MTOR: variants seen among roughly 807,000 people sequenced by gnomAD.
MTOR encodes serine/threonine-protein kinase mTOR.
In MTOR, 70 loss-of-function variants were observed where a neutral mutation model predicts 319.8. That is an observed-to-expected ratio of 0.22 (90% CI 0.18 to 0.27). The LOEUF (loss-of-function observed/expected upper bound fraction) is 0.27, where lower values mean the gene tolerates loss of function less well. Ranked by LOEUF, MTOR falls within the 10% of genes least tolerant of loss-of-function variation. MTOR has a pLI of 1.00. For missense variants in MTOR, 1,890 were observed against 3,274.4 expected (o/e 0.58, Z 10.32); for synonymous variants, 1,183 against 1,211.4 (o/e 0.98, Z 0.49).
intron 46 of MTOR, among the ~76,000 whole-genome samples, chr1:11,125,337 C>G (rs1296826089): frequency 6.6e-6 from 1 of 152,184 alleles, no homozygotes; most frequent in African/African-American, 2.4e-5. Context: ...CATTTTGTAT[C>G]AGAAGACAAC....
At chr1:11,126,073 G>A (rs1420086017) in intron 46 of MTOR, among the ~76,000 whole-genome samples, 3 of 143,514 alleles carry the variant, frequency 2.1e-5, no homozygotes, top group African/African-American at 5.2e-5. Context: ...AAAAGCGAGA[G>A]GCCTCAAAGT....
Position 11,126,686 on chromosome 1 carries a change from C to A in MTOR, c.6462G>T (p.Gln2154His), listed in dbSNP as rs201706131. 6.2e-7 allele frequency: 1 copy of A among 1,613,962 alleles called. No individual in the cohort carries two copies. Among genetic ancestry groups the A allele is most frequent in the South Asian group, 1.1e-5 (1 of 91,078 alleles). Residue 2154 changes from glutamine to histidine, a missense_variant, in exon 46 of 58, where the codon CAG becomes CAT. Around this residue, in one of 15 missense-constraint regions of MTOR, gnomAD observed 249 missense variants for 596.2 expected, o/e 0.42. Coordinates refer to ENST00000361445, the MANE Select transcript of MTOR (RefSeq NM_004958.4). ...YDPNQPIIRI[Q>H]SIAPSLQVIT... ...TGACTTGCAAAGACGGTGCTATGGA[C>A]TGAATGCGAATGATTGGCTGGTTGG...
chr1:11,111,104 A>C, intron 54 of MTOR: 1 of 455,932 alleles, frequency 2.2e-6, no homozygotes, highest in Admixed American at 2.4e-5. Context: ...CATGTATGAC[A>C]TTATAAGCCA....
chr1:11,181,402 G>A (rs896859912), intron 28 of MTOR, among the ~76,000 whole-genome samples: 4 of 152,172 alleles, frequency 2.6e-5, no homozygotes, highest in Non-Finnish European at 5.9e-5. Flanking sequence ...GTGGGCACCT[G>A]TAATTCCAGC....
intron 21 of MTOR, among the ~76,000 whole-genome samples, chr1:11,213,162 G>A (rs971400061): frequency 2.6e-5 from 4 of 152,068 alleles, no homozygotes; most frequent in Admixed American, 2.6e-4. Flanking sequence ...AATTAGTCTG[G>A]GATAAAATAT....
rs78365083 is a variant in MTOR at position 11,121,591 on chromosome 1, C to T, written c.6811-223G>A. Among the ~76,000 whole-genome samples the T allele has an allele frequency of 4.6e-5, 7 of 152,328 alleles. No homozygotes were observed. The East Asian group carries it at 1.4e-3, about 29-fold the overall frequency. ...CATAAGGGAAAAACACGAGACTTCA[C>T]CTCAGTTATAGGCCTTCTGTGCAGA... On this transcript the variant is annotated intron_variant, in intron 48 of 57. Transcript: ENST00000361445. The surrounding 1 kb of genome is among the most constrained non-coding windows in gnomAD (Gnocchi z 4.9).
chr1:11,200,773 TG>T (rs1193069722), intron 26 of MTOR, among the ~76,000 whole-genome samples: 1 of 152,092 alleles, frequency 6.6e-6, no homozygotes, highest in African/African-American at 2.4e-5. Flanking sequence ...CCCAGTACTT[TG>T]GGGGGCTGAG....
intron 28 of MTOR, among the ~76,000 whole-genome samples, chr1:11,169,001 T>C (rs1014817468): frequency 6.6e-6 from 1 of 152,360 alleles, no homozygotes; most frequent in East Asian, 1.9e-4. Flanking sequence ...ACTGGTTTAA[T>C]GAGCAAGGAT....
At chr1:11,108,133 G>C (rs752128481) in intron 57 of MTOR, 48 bp downstream of exon 57, 2 of 1,490,766 alleles carry the variant, frequency 1.3e-6, no homozygotes, top group South Asian at 2.3e-5. Context: ...CCTAGGCTTG[G>C]GACCTGATTG....
At chr1:11,193,554 T>G in intron 28 of MTOR, 4 of 1,553,258 alleles carry the variant, frequency 2.6e-6, no homozygotes, top group Non-Finnish European at 3.5e-6. Context: ...TGCAAGTCCC[T>G]CACCAGAGTA....
At chr1:11,243,581 G>A (rs552676239) in intron 8 of MTOR, among the ~76,000 whole-genome samples, 135 of 151,640 alleles carry the variant, frequency 8.9e-4, no homozygotes, top group South Asian at 4.2e-4. Flanking sequence ...CCAGCTACTC[G>A]GGAGGCTGAG....
chr1:11,112,344 A>G (rs1641929510), intron 54 of MTOR, among the ~76,000 whole-genome samples: 1 of 152,256 alleles, frequency 6.6e-6, no homozygotes, highest in Non-Finnish European at 1.5e-5. Flanking sequence ...GTGTTTTTAC[A>G]GATAGATTAA....
chr1:11,224,717 A>G (rs1646775481), intron 19 of MTOR, among the ~76,000 whole-genome samples: 3 of 152,226 alleles, frequency 2.0e-5, no homozygotes, highest in African/African-American at 7.2e-5. Flanking sequence ...ACACAATGCA[A>G]TTAAGTTAGA....
Position 11,230,924 on chromosome 1 carries a change from C to A in MTOR, c.2779+1G>T. 6.2e-7 allele frequency: 1 copy of A among 1,613,796 alleles called. No individual in the cohort carries two copies. The highest frequency in any genetic ancestry group is 8.5e-7 in the Non-Finnish European group (1 of 1,180,000). ...GTCTTTCATGGCTACCCCCAACTTA[C>A]AGGAATCCTGACTTGACTTGGATTC... On this transcript the variant is annotated splice_donor_variant, in intron 18 of 57. Coordinates refer to ENST00000361445, the MANE Select transcript of MTOR (RefSeq NM_004958.4). LOFTEE classifies it high-confidence loss of function.
At chr1:11,243,562 C>A (rs1421273686) in intron 8 of MTOR, among the ~76,000 whole-genome samples, 1 of 151,796 alleles carries the variant, frequency 6.6e-6, no homozygotes, top group Non-Finnish European at 1.5e-5. Flanking sequence ...GTGGTGCATG[C>A]CTGTAATCCC....
intron 5 of MTOR, among the ~76,000 whole-genome samples, chr1:11,254,363 C>T (rs1250825385): frequency 5.9e-5 from 9 of 152,146 alleles, no homozygotes; most frequent in Admixed American, 3.3e-4. Flanking sequence ...TGGTCTCAAA[C>T]TCCTGACCTC....
chr1:11,134,736 T>A (rs1643324199), intron 36 of MTOR, among the ~76,000 whole-genome samples: 1 of 152,236 alleles, frequency 6.6e-6, no homozygotes, highest in Non-Finnish European at 1.5e-5. Flanking sequence ...CAAAGTTTCA[T>A]GCCTGGCTAC....
At chr1:11,240,615 C>A (rs1471859033) in intron 10 of MTOR, 68 bp from the exon 11 acceptor site, 1 of 1,550,574 alleles carries the variant, frequency 6.4e-7, no homozygotes, top group Non-Finnish European at 8.7e-7. Context: ...TGGGAAGAAA[C>A]AGCTTTCTCT....
chr1:11,170,171 C>T (rs1644768066), intron 28 of MTOR, among the ~76,000 whole-genome samples: 1 of 152,126 alleles, frequency 6.6e-6, no homozygotes, highest in Non-Finnish European at 1.5e-5. Flanking sequence ...ATGATGGTTT[C>T]CCTTAGGAAG....
Sources: allele counts gnomAD v4.1 joint callset (sites outside exome capture counted in the v4.1 genomes callset), GRCh38; gene constraint gnomAD v4.1.1; regional missense constraint gnomAD v4.1.1; non-coding constraint Gnocchi (gnomAD v3.1); transcripts MANE v1.5; gene names NCBI Gene and HGNC (gene_info 2026-07-23, HGNC 2026-07-21).